The following ENOX2 variants were observed in gnomAD, a reference collection of about 807,000 sequenced individuals.
The protein encoded by ENOX2 is APK1 antigen.
A neutral mutation model predicts 45.0 loss-of-function variants in ENOX2; 36 were observed. That is an observed-to-expected ratio of 0.80 (90% confidence interval 0.61 to 1.06). The LOEUF is 1.06. Among genes scored for constraint, ENOX2 ranks in the 50% least tolerant of loss-of-function variants. ENOX2 has a pLI of 0.00. For missense variants in ENOX2, 423 were observed against 462.5 expected (o/e 0.91, Z 0.78); for synonymous variants, 174 against 152.3 (o/e 1.14, Z -1.05).
At chrX:130,668,057 T>TTGTGTG (rs1171654885) in intron 7 of ENOX2, among the ~76,000 whole-genome samples, 1 of 103,017 alleles carries the variant, frequency 9.7e-6, no homozygotes, top group African/African-American at 3.6e-5. Context: ...CCCTCTCTGA[T>TTGTGTG]TGTGTGTGTG....
intron 3 of ENOX2, among the ~76,000 whole-genome samples, chrX:130,717,055 T>G (rs750558298): frequency 8.9e-6 from 1 of 111,924 alleles, no homozygotes; most frequent in South Asian, 3.7e-4. Context: ...CAGAGCAAAT[T>G]TGATTTGAAA....
chrX:130,679,230 T>C (rs2037234671), intron 6 of ENOX2, among the ~76,000 whole-genome samples: 1 of 110,657 alleles, frequency 9.0e-6, no homozygotes, highest in Non-Finnish European at 1.9e-5. Context: ...ATTCTGGGAA[T>C]TCGAGTTCAC....
At chrX:130,816,136 G>C (rs772151462) in intron 2 of ENOX2, among the ~76,000 whole-genome samples, 1 of 111,776 alleles carries the variant, frequency 8.9e-6, no homozygotes, top group Admixed American at 9.5e-5. Context: ...TGATAAAACA[G>C]ACTTTAAACC....
intron 2 of ENOX2, among the ~76,000 whole-genome samples, chrX:130,806,508 T>A (rs754441567): frequency 5.5e-4 from 61 of 111,884 alleles, no homozygotes; most frequent in African/African-American, 1.7e-3. Context: ...TAAAAAAAAA[T>A]TTTTTTCCAA....
intron 3 of ENOX2, among the ~76,000 whole-genome samples, chrX:130,741,868 C>T (rs1460976436): frequency 3.6e-5 from 4 of 111,743 alleles, no homozygotes; most frequent in Non-Finnish European, 7.5e-5. Context: ...GCTCTGTTTC[C>T]GATAAAGAAA....
At chrX:130,770,899 G>A (rs2039725387) in intron 3 of ENOX2, among the ~76,000 whole-genome samples, 1 of 112,162 alleles carries the variant, frequency 8.9e-6, no homozygotes, top group Non-Finnish European at 1.9e-5. Context: ...ACTTCTTGGA[G>A]TCTATTCTAG....
Position 130,670,912 on chromosome X carries a change from A to G in ENOX2, c.461-714T>C, listed in dbSNP as rs1224504130. Among the ~76,000 whole-genome samples the G allele has an allele frequency of 3.6e-5, 4 of 111,579 alleles. No homozygotes were observed. The East Asian group carries it at 1.1e-3, about 31-fold the overall frequency. On this transcript the variant is annotated intron_variant, in intron 6 of 14. Transcript: ENST00000394363. ...CTTACCCAAGTCATGTATCTTAAAA[A>G]AAGTGGGGAAAAAACTAAGTACTTT...
chrX:130,887,037 ATACAGCAATCTGC>A (rs1171533103), intron 2 of ENOX2, among the ~76,000 whole-genome samples: 1 of 112,059 alleles, frequency 8.9e-6, no homozygotes, highest in Non-Finnish European at 1.9e-5. Context: ...CGCAGATTTT[ATACAGCAATCTGC>A]TACAAACATT....
At chrX:130,743,545 C>T (rs2148320000) in intron 3 of ENOX2, among the ~76,000 whole-genome samples, 1 of 109,453 alleles carries the variant, frequency 9.1e-6, no homozygotes, top group African/African-American at 3.3e-5. Flanking sequence ...AATCTTGGCT[C>T]ATTGCAATCT....
At chrX:130,809,287 A>C (rs1330232761) in intron 2 of ENOX2, among the ~76,000 whole-genome samples, 1 of 112,520 alleles carries the variant, frequency 8.9e-6, no homozygotes, top group African/African-American at 3.2e-5. Context: ...TGAACCAGTC[A>C]CCACAATTTT....
intron 2 of ENOX2, among the ~76,000 whole-genome samples, chrX:130,854,597 T>C (rs1403721460): frequency 1.8e-5 from 2 of 110,388 alleles, no homozygotes. Flanking sequence ...CCAATGCAAA[T>C]AATTAAACTA....
chrX:130,664,616 C>T (rs770544408), intron 9 of ENOX2, among the ~76,000 whole-genome samples: 6 of 112,092 alleles, frequency 5.4e-5, no homozygotes, highest in South Asian at 7.5e-4. Context: ...ATTATTGTCT[C>T]GAATTTACAG....
At chrX:130,899,985 G>A (rs1056279188) in intron 2 of ENOX2, among the ~76,000 whole-genome samples, 1 of 111,685 alleles carries the variant, frequency 9.0e-6, no homozygotes, top group Non-Finnish European at 1.9e-5. Flanking sequence ...AAATCTCTTC[G>A]CTCCGCTCAC....
At chrX:130,766,035 A>C (rs2039607643) in intron 3 of ENOX2, among the ~76,000 whole-genome samples, 1 of 111,758 alleles carries the variant, frequency 8.9e-6, no homozygotes, top group Non-Finnish European at 1.9e-5. Context: ...TACATAAGAA[A>C]GAAATCAATT....
intron 3 of ENOX2, among the ~76,000 whole-genome samples, chrX:130,771,797 G>A (rs2039747401): frequency 8.9e-6 from 1 of 112,161 alleles, no homozygotes; most frequent in Non-Finnish European, 1.9e-5. Flanking sequence ...AGGTCTCACT[G>A]TCATTTAAAA....
At chrX:130,681,646 C>A (rs1295440319) in intron 5 of ENOX2, among the ~76,000 whole-genome samples, 1 of 111,725 alleles carries the variant, frequency 9.0e-6, no homozygotes, top group African/African-American at 3.3e-5. Context: ...AAAACTTCTT[C>A]CTTCATCTTT....
chrX:130,778,656 A>T (rs1478598231), intron 3 of ENOX2, among the ~76,000 whole-genome samples: 1 of 112,457 alleles, frequency 8.9e-6, no homozygotes, highest in Non-Finnish European at 1.9e-5. Context: ...ATTATTATTG[A>T]TTTTGAAGGG....
intron 2 of ENOX2, among the ~76,000 whole-genome samples, chrX:130,821,742 TAAAAAAAAAAAAAA>T: frequency 2.6e-4 from 6 of 23,187 alleles, no homozygotes; most frequent in Admixed American, 2.5e-3. Flanking sequence ...ATAAATAAAT[TAAAAAAAAAAAAAA>T]AAAAAAAAAA....
intron 3 of ENOX2, among the ~76,000 whole-genome samples, chrX:130,761,213 C>T (rs1231724349): frequency 2.7e-5 from 3 of 111,779 alleles, no homozygotes; most frequent in Non-Finnish European, 3.8e-5. Context: ...CTCTCCTCTT[C>T]TATTTCCTGG....
Sources: allele counts gnomAD v4.1 joint callset (sites outside exome capture counted in the v4.1 genomes callset), GRCh38; gene constraint gnomAD v4.1.1; transcripts MANE v1.5; gene names NCBI Gene and HGNC (gene_info 2026-07-23, HGNC 2026-07-21).